The following PDLIM5 variants were observed in gnomAD, a reference collection of about 807,000 sequenced individuals.
PDLIM5 encodes the protein PDZ and LIM domain 5.
PDLIM5 carries 34 observed loss-of-function variants against 64.2 expected under a neutral mutation model. That is an observed-to-expected ratio of 0.53 (90% CI 0.40 to 0.71). PDLIM5 has a LOEUF of 0.71. PDLIM5 is among the 30% of genes least tolerant of loss of function. The pLI is 0.00. For synonymous variants in PDLIM5, 253 were observed against 269.1 expected (o/e 0.94, Z 0.59); for missense variants, 683 against 733.6 (o/e 0.93, Z 0.80).
At chr4:94,584,196 G>C in intron 5 of PDLIM5, among the ~76,000 whole-genome samples, 1 of 152,116 alleles carries the variant, frequency 6.6e-6, no homozygotes, top group Non-Finnish European at 1.5e-5. Flanking sequence ...TTCTGTACTC[G>C]TATCTTGTGC....
At chr4:94,533,046 G>A (rs1046711029) in intron 3 of PDLIM5, among the ~76,000 whole-genome samples, 1 of 152,152 alleles carries the variant, frequency 6.6e-6, no homozygotes, top group African/African-American at 2.4e-5. Flanking sequence ...TCAACATCAC[G>A]CACACTGGAA....
rs1230396524 is a variant in PDLIM5 at position 94,640,374 on chromosome 4, A to C, written c.1207A>C (p.Thr403Pro). ...ACAAACCCAGCCAAGTGACCAGGAC[A>C]CTTTAGTGCAAAGAGCTGAGCACAT... ...LGQTQPSDQDTLVQRAEHIPA... is the reference protein window; with the variant it reads ...LGQTQPSDQDPLVQRAEHIPA... The change falls in exon 9 of 13, where the codon ACT becomes CCT. Residue 403 changes from threonine to proline, a missense_variant. Transcript: ENST00000317968. 6.2e-7 allele frequency: 1 copy of C among 1,613,214 alleles called. No individual in the cohort carries two copies. The highest frequency in any genetic ancestry group is 1.3e-5 in the African/African-American group (1 of 74,890).
At chr4:94,638,986 A>C (rs140827498) in intron 8 of PDLIM5, among the ~76,000 whole-genome samples, 29 of 152,356 alleles carry the variant, frequency 1.9e-4, no homozygotes, top group Non-Finnish European at 3.2e-4. Context: ...TTATGAGAAC[A>C]CAGAAGAGAA....
chr4:94,627,256 T>G (rs1739774553), intron 8 of PDLIM5, among the ~76,000 whole-genome samples: 1 of 152,194 alleles, frequency 6.6e-6, no homozygotes, highest in South Asian at 2.1e-4. Context: ...ACAAGTAGAT[T>G]TTTGTTTCTG....
chr4:94,455,827 C>A (rs1186650794), intron 2 of PDLIM5: 2 of 1,466,602 alleles, frequency 1.4e-6, no homozygotes, highest in Admixed American at 2.0e-5. Flanking sequence ...AGCTCACTTT[C>A]TGGTGGAGGT....
At chr4:94,642,420 G>A (rs1741069241) in intron 9 of PDLIM5, among the ~76,000 whole-genome samples, 1 of 152,090 alleles carries the variant, frequency 6.6e-6, no homozygotes. Context: ...ACCTGCCTTG[G>A]TTTTAAATTT....
chr4:94,638,854 A>G lies in PDLIM5; in HGVS notation c.1109-1422A>G, dbSNP rs1231264086. Among the ~76,000 whole-genome samples the G allele has an allele frequency of 2.6e-5, 4 of 152,268 alleles. No individual in the cohort carries two copies. In the East Asian group the frequency reaches 7.7e-4, roughly 29 times the overall value. On this transcript the variant is annotated intron_variant, in intron 8 of 12. Transcript: ENST00000317968. Reference sequence around the variant, plus strand: ...ATTCATTCATTTATTCTCTCCAGACACTGTTAAGTTGCTAGGGTGCTGAAT... The same window carrying G: ...ATTCATTCATTTATTCTCTCCAGACGCTGTTAAGTTGCTAGGGTGCTGAAT...
chr4:94,601,299 T>G (rs1469993481), intron 7 of PDLIM5, among the ~76,000 whole-genome samples: 2 of 152,150 alleles, frequency 1.3e-5, no homozygotes, highest in East Asian at 3.9e-4. Context: ...CTGAGGTATC[T>G]CTTATAAGGG....
At chr4:94,546,426 A>T (rs2110198637) in intron 3 of PDLIM5, among the ~76,000 whole-genome samples, 1 of 152,316 alleles carries the variant, frequency 6.6e-6, no homozygotes, top group East Asian at 1.9e-4. Flanking sequence ...TATCTAGAGA[A>T]GCATATTAAG....
At chr4:94,561,772 G>C (rs1733871933) in intron 3 of PDLIM5, among the ~76,000 whole-genome samples, 1 of 152,200 alleles carries the variant, frequency 6.6e-6, no homozygotes, top group Non-Finnish European at 1.5e-5. Flanking sequence ...AGGCATCAGT[G>C]TCTGGCTTCT....
At chr4:94,544,290 T>C (rs969576673) in intron 3 of PDLIM5, among the ~76,000 whole-genome samples, 4 of 152,174 alleles carry the variant, frequency 2.6e-5, no homozygotes, top group African/African-American at 9.6e-5. Context: ...GCAAAGACCC[T>C]TTTCCCAAAT....
intron 9 of PDLIM5, among the ~76,000 whole-genome samples, chr4:94,650,666 A>G (rs1251662511): frequency 1.3e-5 from 2 of 152,232 alleles, no homozygotes; most frequent in East Asian, 3.9e-4. Flanking sequence ...AACAAAGAGC[A>G]GCAAAAAATA....
chr4:94,617,644 C>CAA (rs61055444), intron 7 of PDLIM5, among the ~76,000 whole-genome samples: 1,182 of 66,558 alleles, frequency 0.018, 34 homozygotes, highest in South Asian at 0.11. Flanking sequence ...CCTGTGTCTA[C>CAA]AAAAAAAAAA....
chr4:94,505,264 C>CTT (rs58962560), intron 2 of PDLIM5, among the ~76,000 whole-genome samples: 1 of 144,718 alleles, frequency 6.9e-6, no homozygotes, highest in African/African-American at 2.5e-5. Context: ...TCTTAAGTCA[C>CTT]TTTTTTTTTT....
chr4:94,486,086 G>T (rs1726310453), intron 2 of PDLIM5, among the ~76,000 whole-genome samples: 1 of 152,050 alleles, frequency 6.6e-6, no homozygotes, highest in African/African-American at 2.4e-5. Flanking sequence ...CTGCCACCAG[G>T]ATATTAGTTA....
intron 3 of PDLIM5, among the ~76,000 whole-genome samples, chr4:94,564,256 C>T (rs1483232634): frequency 1.3e-5 from 2 of 152,144 alleles, no homozygotes; most frequent in Non-Finnish European, 2.9e-5. Flanking sequence ...GCCATCGTGC[C>T]CGGCCTTAGA....
At chr4:94,524,920 G>C (rs934355707) in intron 3 of PDLIM5, among the ~76,000 whole-genome samples, 3 of 152,108 alleles carry the variant, frequency 2.0e-5, no homozygotes, top group Non-Finnish European at 2.9e-5. Flanking sequence ...TGAACCTTCA[G>C]CTTTATAATG....
intron 3 of PDLIM5, among the ~76,000 whole-genome samples, chr4:94,527,085 C>T (rs1730441904): frequency 2.0e-5 from 2 of 99,670 alleles, no homozygotes; most frequent in Non-Finnish European, 3.7e-5. Flanking sequence ...GAGACAGAGT[C>T]TCACACTGTC....
At chr4:94,572,690 C>T (rs960495117) in intron 3 of PDLIM5, among the ~76,000 whole-genome samples, 21 of 152,080 alleles carry the variant, frequency 1.4e-4, no homozygotes, top group African/African-American at 3.4e-4. Context: ...TACTGATGAC[C>T]TGTTACATTC....
Sources: gnomAD v4.1 joint callset for allele counts (sites outside exome capture counted in the v4.1 genomes callset) on GRCh38, gnomAD v4.1.1 for gene constraint, MANE v1.5 for transcripts, NCBI Gene and HGNC (gene_info 2026-07-23, HGNC 2026-07-21) for gene names.